The following VMP1 variants were observed in gnomAD, a reference collection of about 807,000 sequenced individuals.
The protein encoded by VMP1 is vacuole membrane protein 1.
VMP1 carries 11 observed loss-of-function variants against 56.0 expected under a neutral mutation model. The ratio of observed to expected loss-of-function variants is 0.20; its 90% CI spans 0.12 to 0.32. VMP1 has a LOEUF of 0.32. Among genes scored for constraint, VMP1 ranks in the 10% least tolerant of loss-of-function variants. The pLI is 1.00. For missense variants in VMP1, 296 were observed against 490.3 expected, an observed-to-expected ratio of 0.60 and a Z score of 3.74; for synonymous variants, 149 against 165.0, an observed-to-expected ratio of 0.90 and a Z score of 0.74.
chr17:59,741,028 C>T (rs1194726800), intron 5 of VMP1, among the ~76,000 whole-genome samples: 1 of 152,044 alleles, frequency 6.6e-6, no homozygotes, highest in African/African-American at 2.4e-5. Flanking sequence ...CTCTACATCT[C>T]TATAAAAAAT....
intron 7 of VMP1, among the ~76,000 whole-genome samples, chr17:59,795,896 CATT>C (rs1198455822): frequency 2.6e-5 from 4 of 152,018 alleles, no homozygotes; most frequent in Non-Finnish European, 5.9e-5. Flanking sequence ...TGGTGGTAGA[CATT>C]ATTATCATCA....
At chr17:59,721,085 C>T (rs1277725253) in intron 1 of VMP1, among the ~76,000 whole-genome samples, 1 of 152,114 alleles carries the variant, frequency 6.6e-6, no homozygotes, top group African/African-American at 2.4e-5. Context: ...GTGGCTCACA[C>T]CTGTAATCCC....
intron 2 of VMP1, among the ~76,000 whole-genome samples, chr17:59,734,104 A>G (rs2034932014): frequency 6.6e-6 from 1 of 152,186 alleles, no homozygotes; most frequent in African/African-American, 2.4e-5. Context: ...CTCTATCCCA[A>G]ATTCAACTGC....
chr17:59,773,640 C>A, intron 6 of VMP1, 114 bp from the exon 7 acceptor site: 1 of 1,034,708 alleles, frequency 9.7e-7, no homozygotes, highest in Non-Finnish European at 1.4e-6. Flanking sequence ...TGCTTTCCCC[C>A]AATATATTGC....
At chr17:59,812,262 C>A (rs1402157899) in intron 9 of VMP1, among the ~76,000 whole-genome samples, 1 of 152,068 alleles carries the variant, frequency 6.6e-6, no homozygotes, top group Non-Finnish European at 1.5e-5. Flanking sequence ...TCCCATGTTA[C>A]CAATATCCTT....
At chr17:59,821,441 G>A (rs977076980) in intron 10 of VMP1, among the ~76,000 whole-genome samples, 2 of 151,580 alleles carry the variant, frequency 1.3e-5, no homozygotes, top group African/African-American at 4.9e-5. Context: ...GAGTTGTGTC[G>A]TATTTGAAAA....
intron 8 of VMP1, among the ~76,000 whole-genome samples, chr17:59,810,438 G>T (rs534340959): frequency 1.3e-5 from 2 of 152,264 alleles, no homozygotes; most frequent in South Asian, 4.1e-4. Flanking sequence ...ATAGGCATAA[G>T]ACACTGCGCC....
chr17:59,792,455 T>A (rs117517139), intron 7 of VMP1, among the ~76,000 whole-genome samples: 2,747 of 152,338 alleles, frequency 0.018, 53 homozygotes, highest in Non-Finnish European at 0.031. Flanking sequence ...TTAAGTCAAG[T>A]TACCTCACTA....
At position 59,808,885 on chromosome 17, in the gene VMP1, A is replaced by G; in HGVS notation, c.795+9A>G. The G allele has an allele frequency of 6.2e-7, 1 of 1,611,926 alleles. No homozygotes were observed. Among genetic ancestry groups the G allele is most frequent in the South Asian group, 1.1e-5 (1 of 90,992 alleles). On this transcript the variant is annotated intron_variant, in intron 8 of 11. Transcript: ENST00000262291. ...TTTTGGCCTGTGCTTCAGTAAGTGA[A>G]TTGTATTAAAACAGAACTTTTACTA...
rs893110337 is a variant in VMP1, at chr17:59,745,893, C to T, written c.414+6946C>T. On this transcript the variant is annotated intron_variant, in intron 5 of 11. Transcript: ENST00000262291. ...ATGTAATTCATTATTTATTATGGCTCTCTTTACTGGAAATCGTAGCTTAAA... is the reference window on the plus strand; with the variant it reads ...ATGTAATTCATTATTTATTATGGCTTTCTTTACTGGAAATCGTAGCTTAAA... Among the ~76,000 whole-genome samples the T allele has an allele frequency of 2.0e-5, 3 of 152,182 alleles. No homozygotes were observed. The South Asian group carries it at 6.2e-4, about 32-fold the overall frequency.
Position 59,806,153 on chromosome 17 carries a change from G to T in VMP1, c.715-2643G>T, listed in dbSNP as rs8077588. ...AAACTTAGTAATTTGGGGACTAATTGTATAAATTGTTAAAAATAAATGGAT... is the reference window on the plus strand; with the variant it reads ...AAACTTAGTAATTTGGGGACTAATTTTATAAATTGTTAAAAATAAATGGAT... On this transcript the variant is annotated intron_variant, in intron 7 of 11. Transcript: ENST00000262291. 4.2e-3 allele frequency among the ~76,000 whole-genome samples: 633 copies of T among 152,172 alleles called. 9 individuals are homozygous for T. Among genetic ancestry groups the T allele is most frequent in the African/African-American group, 0.015 (612 of 41,554 alleles).
intron 7 of VMP1, among the ~76,000 whole-genome samples, chr17:59,777,441 C>T (rs1179419380): frequency 8.6e-5 from 13 of 150,778 alleles, no homozygotes; most frequent in African/African-American, 2.9e-4. Flanking sequence ...TCTGAGTCCT[C>T]TTTATAAGCA....
chr17:59,792,825 G>A (rs540413445), intron 7 of VMP1, among the ~76,000 whole-genome samples: 78 of 147,816 alleles, frequency 5.3e-4, no homozygotes, highest in South Asian at 6.4e-4. Flanking sequence ...CTCCAGCCTG[G>A]GCAACATGAG....
chr17:59,785,464 A>G (rs1384618976), intron 7 of VMP1, among the ~76,000 whole-genome samples: 2 of 152,178 alleles, frequency 1.3e-5, no homozygotes, highest in Non-Finnish European at 2.9e-5. Context: ...ATTTGAGGTC[A>G]GGGGCTAAAG....
At chr17:59,787,731 G>A (rs1288335540) in intron 7 of VMP1, among the ~76,000 whole-genome samples, 1 of 152,160 alleles carries the variant, frequency 6.6e-6, no homozygotes. Flanking sequence ...TGAGGCAAGA[G>A]AATTGCTTGA....
At chr17:59,838,438 T>C in intron 11 of VMP1, 41 bp downstream of exon 11, 1 of 1,602,356 alleles carries the variant, frequency 6.2e-7, no homozygotes, top group Non-Finnish European at 8.5e-7. Flanking sequence ...CTGGGAAGTT[T>C]CGGGCTGAAA....
chr17:59,737,378 C>T (rs940444251), intron 3 of VMP1, 75 bp from the exon 4 acceptor site: 32 of 1,464,024 alleles, frequency 2.2e-5, no homozygotes, highest in African/African-American at 2.1e-4. Flanking sequence ...ACTGTTTCAG[C>T]AAGAAATTGT....
At chr17:59,788,393 A>G (rs921182593) in intron 7 of VMP1, among the ~76,000 whole-genome samples, 3 of 152,092 alleles carry the variant, frequency 2.0e-5, no homozygotes, top group Admixed American at 2.0e-4. Flanking sequence ...AGGCTGAGGC[A>G]GGAGAATCGC....
At chr17:59,710,916 C>A (rs879775329) in intron 1 of VMP1, among the ~76,000 whole-genome samples, 2 of 151,842 alleles carry the variant, frequency 1.3e-5, no homozygotes, top group Non-Finnish European at 2.9e-5. Flanking sequence ...ACAAAAAATA[C>A]AAAAAAATTA....
Sources: allele counts gnomAD v4.1 joint callset (sites outside exome capture counted in the v4.1 genomes callset), GRCh38; gene constraint gnomAD v4.1.1; transcripts MANE v1.5; gene names NCBI Gene and HGNC (gene_info 2026-07-23, HGNC 2026-07-21).